Variants in MICAL2 observed in about 807,000 individuals in gnomAD.
MICAL2 encodes the protein microtubule associated monooxygenase, calponin and LIM domain containing 2.
A neutral mutation model predicts 127.3 loss-of-function variants in MICAL2; 77 were observed. That is an observed-to-expected ratio of 0.60 (90% confidence interval 0.50 to 0.73). MICAL2 has a LOEUF of 0.73. Ranked by LOEUF, MICAL2 falls within the 30% of genes least tolerant of loss-of-function variation. The pLI is 0.00. For synonymous variants in MICAL2, 570 were observed against 551.1 expected, an observed-to-expected ratio of 1.03 and a Z score of -0.48; for missense variants, 1,351 against 1,434.4, an observed-to-expected ratio of 0.94 and a Z score of 0.94.
intron 29 of MICAL2, among the ~76,000 whole-genome samples, chr11:12,315,224 C>G (rs1202529820): frequency 6.6e-6 from 1 of 152,142 alleles, no homozygotes; most frequent in Non-Finnish European, 1.5e-5. Context: ...CTTATTTTTA[C>G]TTCTTTGAAA....
intron 2 of MICAL2, chr11:12,161,560 T>G (rs1158847792): frequency 3.3e-5 from 5 of 153,136 alleles, no homozygotes; most frequent in African/African-American, 1.2e-4. Context: ...GCTTTAAAGC[T>G]GGGTGTCTAC....
intron 15 of MICAL2, among the ~76,000 whole-genome samples, chr11:12,232,956 G>T (rs542203223): frequency 1.7e-5 from 2 of 117,568 alleles, no homozygotes; most frequent in South Asian, 2.6e-4. Context: ...ACTCCATCCT[G>T]CCTGGAATGT....
intron 21 of MICAL2, 133 bp downstream of exon 21, chr11:12,244,245 T>G: frequency 8.0e-7 from 1 of 1,245,648 alleles, no homozygotes; most frequent in East Asian, 2.3e-5. Flanking sequence ...TTTACACCAG[T>G]GCTGGATTCA....
At chr11:12,281,275 C>G (rs549107620) in intron 2 of MICAL2, among the ~76,000 whole-genome samples, 3 of 152,300 alleles carry the variant, frequency 2.0e-5, no homozygotes, top group Admixed American at 2.0e-4. Context: ...GGGACTTGAA[C>G]CAGGCCTGGC....
intron 3 of MICAL2, among the ~76,000 whole-genome samples, chr11:12,173,340 A>G (rs1383757215): frequency 6.6e-6 from 1 of 152,216 alleles, no homozygotes; most frequent in African/African-American, 2.4e-5. Flanking sequence ...TGAGGAATAT[A>G]TAGGGGGAGA....
At chr11:12,160,837 T>A (rs1414808906) in intron 2 of MICAL2, among the ~76,000 whole-genome samples, 1 of 152,238 alleles carries the variant, frequency 6.6e-6, no homozygotes, top group Non-Finnish European at 1.5e-5. Flanking sequence ...GCCCGACTCT[T>A]GCTAATGCAC....
At position 12,204,449 on chromosome 11, in the gene MICAL2, A is replaced by G. The variant is rs774881551; in HGVS notation, c.464A>G (p.Asp155Gly). 1.2e-5 allele frequency: 19 copies of G among 1,613,984 alleles called. No individual in the cohort carries two copies. The highest frequency in any genetic ancestry group is 1.4e-5 in the Non-Finnish European group (17 of 1,179,982). Residue 155 changes from aspartate (D) to glycine (G), a missense_variant, in exon 4 of 28, where the codon GAC becomes GGC. Transcript: ENST00000683283. ...FYGKFCAGSI[D>G]HISIRQLQLI... is the part of the protein sequence containing the mutation. ...GGGAAGTTCTGTGCTGGCTCCATCG[A>G]CCATATCAGTGAGTGGAGTCTATGG...
chr11:12,266,801 A>G (rs942455695), downstream of MICAL2, among the ~76,000 whole-genome samples: 3 of 152,250 alleles, frequency 2.0e-5, no homozygotes, highest in African/African-American at 7.2e-5. Flanking sequence ...GTACTGACTC[A>G]GTGGCATTAG....
downstream of MICAL2, among the ~76,000 whole-genome samples, chr11:12,361,656 C>T (rs574821945): frequency 1.1e-4 from 17 of 152,300 alleles, no homozygotes; most frequent in African/African-American, 4.1e-4. Context: ...TTAATTGCAA[C>T]CGAGAAAGGA....
At chr11:12,257,211 A>C (rs1488245990) in intron 24 of MICAL2, 1 of 455,306 alleles carries the variant, frequency 2.2e-6, no homozygotes, top group Non-Finnish European at 3.9e-6. Context: ...CCTGGTGGGC[A>C]CCTGTGTGCC....
At chr11:12,289,144 A>G (rs1400515179), downstream of MICAL2, among the ~76,000 whole-genome samples, 1 of 152,206 alleles carries the variant, frequency 6.6e-6, no homozygotes, top group Non-Finnish European at 1.5e-5. Flanking sequence ...CTGCTGCCAG[A>G]GGGCCCAGAG....
intron 1 of MICAL2, among the ~76,000 whole-genome samples, chr11:12,118,108 A>G (rs12577615): frequency 0.084 from 12,857 of 152,154 alleles, 885 homozygotes; most frequent in East Asian, 0.29. Flanking sequence ...GTTTGCCCCA[A>G]CCAGATGACC....
intron 33 of MICAL2, among the ~76,000 whole-genome samples, chr11:12,351,139 C>T (rs796421968): frequency 5.9e-5 from 9 of 152,294 alleles, no homozygotes; most frequent in African/African-American, 1.9e-4. Context: ...TGCAAAGACC[C>T]TTTACAAATA....
intron 26 of MICAL2, chr11:12,260,715 G>A: frequency 1.0e-6 from 1 of 985,526 alleles, no homozygotes; most frequent in Non-Finnish European, 1.2e-6. Flanking sequence ...GAGAGTAGAA[G>A]GGCAGAATAG....
At chr11:12,111,758 G>A (rs1849624799) in intron 1 of MICAL2, among the ~76,000 whole-genome samples, 1 of 152,228 alleles carries the variant, frequency 6.6e-6, no homozygotes, top group African/African-American at 2.4e-5. Flanking sequence ...CCCCTTGTGG[G>A]CTGGTCCCAC....
chr11:12,302,780 A>AAGCAAT (rs984719129), intron 29 of MICAL2, among the ~76,000 whole-genome samples: 8 of 152,286 alleles, frequency 5.3e-5, no homozygotes, highest in Non-Finnish European at 1.0e-4. Context: ...TTCCCACTTC[A>AAGCAAT]GCCTCCCAAG....
intron 29 of MICAL2, chr11:12,319,643 T>C: frequency 7.5e-7 from 1 of 1,340,340 alleles, no homozygotes; most frequent in Non-Finnish European, 1.1e-6. Flanking sequence ...CTTTGGTTCA[T>C]AAAGCAGGAA....
chr11:12,170,191 T>C (rs1048595275), intron 3 of MICAL2, among the ~76,000 whole-genome samples: 7 of 152,200 alleles, frequency 4.6e-5, no homozygotes, highest in African/African-American at 1.7e-4. Context: ...TTCTCACTCC[T>C]ATAACCCCAG....
At chr11:12,351,765 C>A (rs78549453) in intron 33 of MICAL2, among the ~76,000 whole-genome samples, 4,410 of 151,526 alleles carry the variant, frequency 0.029, 198 homozygotes, top group African/African-American at 0.097. Flanking sequence ...GGGGTCATCT[C>A]TAGTGATGAT....
Sources: gnomAD v4.1 joint callset for allele counts (sites outside exome capture counted in the v4.1 genomes callset) on GRCh38, gnomAD v4.1.1 for gene constraint, MANE v1.5 for transcripts, NCBI Gene and HGNC (gene_info 2026-07-23, HGNC 2026-07-21) for gene names.